Variants in MEOX1 observed in about 807,000 individuals in gnomAD.
The protein encoded by MEOX1 is mesenchyme homeobox 1, also known as homeobox protein MOX-1.
In MEOX1, 17 loss-of-function variants were observed where a neutral mutation model predicts 23.2. The ratio of observed to expected loss-of-function variants is 0.73; its 90% CI spans 0.50 to 1.10. The LOEUF (loss-of-function observed/expected upper bound fraction) is 1.10, where lower values mean the gene tolerates loss of function less well. Among genes scored for constraint, MEOX1 ranks in the 50% least tolerant of loss-of-function variants. MEOX1 has a pLI of 0.00. For synonymous variants in MEOX1, 134 were observed against 135.1 expected, an observed-to-expected ratio of 0.99 and a Z score of 0.06; for missense variants, 333 against 332.2, an observed-to-expected ratio of 1.00 and a Z score of -0.02.
At chr17:43,644,796 A>G (rs556035337) in intron 1 of MEOX1, among the ~76,000 whole-genome samples, 140 of 152,260 alleles carry the variant, frequency 9.2e-4, no homozygotes, top group African/African-American at 3.3e-3. Flanking sequence ...CGCCCCTGTA[A>G]TCCCAACTAC....
At chr17:43,658,415 G>A (rs1037562943) in intron 1 of MEOX1, among the ~76,000 whole-genome samples, 1 of 151,216 alleles carries the variant, frequency 6.6e-6, no homozygotes, top group Non-Finnish European at 1.5e-5. Flanking sequence ...GCTGAGACAG[G>A]AGAATTGCTT....
chr17:43,645,089 C>T (rs1397028369), intron 1 of MEOX1, among the ~76,000 whole-genome samples: 1 of 151,868 alleles, frequency 6.6e-6, no homozygotes, highest in Non-Finnish European at 1.5e-5. Context: ...ACAATTAACT[C>T]GCAATGCATG....
intron 1 of MEOX1, among the ~76,000 whole-genome samples, chr17:43,645,286 C>G (rs1215436399): frequency 1.3e-5 from 2 of 150,188 alleles, no homozygotes; most frequent in Non-Finnish European, 3.0e-5. Flanking sequence ...ACACCATTCT[C>G]CTGCCTCCGC....
At chr17:43,654,614 A>G (rs1173357857) in intron 1 of MEOX1, among the ~76,000 whole-genome samples, 3 of 152,218 alleles carry the variant, frequency 2.0e-5, no homozygotes, top group Non-Finnish European at 4.4e-5. Flanking sequence ...TGAGGCCAAG[A>G]GTTCAAGACC....
Position 43,642,050 on chromosome 17 carries a change from G to A in MEOX1, c.643-18C>T. ...ACTTTGACCTGGGGGAGGAAGCAAA[G>A]GAGCCTGGTCACTCCAGGGCCGGTG... On this transcript the variant is annotated intron_variant, in intron 2 of 2. Transcript: ENST00000318579. 1 of 1,609,672 alleles carries A rather than the reference G, an allele frequency of 6.2e-7. No homozygotes were observed. Among genetic ancestry groups the A allele is most frequent in the Non-Finnish European group, 8.5e-7 (1 of 1,177,722 alleles).
chr17:43,653,201 A>G (rs1359368640), intron 1 of MEOX1, among the ~76,000 whole-genome samples: 6 of 141,530 alleles, frequency 4.2e-5, no homozygotes, highest in African/African-American at 1.6e-4. Context: ...GTGCAGTGGC[A>G]CGATCTTGGC....
Position 43,661,462 on chromosome 17 carries a change from G to A in MEOX1, c.73C>T (p.Pro25Ser), listed in dbSNP as rs1010877183. 3 of 1,610,328 alleles carry A rather than the reference G, an allele frequency of 1.9e-6. No individual in the cohort carries two copies. The highest frequency in any genetic ancestry group is 1.3e-5 in the African/African-American group (1 of 74,824). The change falls in exon 1 of 3, where the codon CCC becomes TCC. Residue 25 changes from proline (P) to serine (S), a missense_variant. Physicochemically the swap from Pro to Ser is moderately conservative, Grantham distance 74. Coordinates refer to ENST00000318579, the MANE Select transcript of MEOX1 (RefSeq NM_004527.4). ...GAGGCCCCATTGCCTTCCGAGTGGG[G>A]GTTTCGAAGGCAGCCCCAGACAGGG... ...PAPVWGCLRN[P>S]HSEGNGASGL...
At chr17:43,651,672 G>T (rs934023214) in intron 1 of MEOX1, among the ~76,000 whole-genome samples, 3 of 152,236 alleles carry the variant, frequency 2.0e-5, no homozygotes, top group African/African-American at 7.2e-5. Flanking sequence ...AGCTCTGGAG[G>T]TCTGCAGGGG....
At chr17:43,660,564 C>T (rs569772525) in intron 1 of MEOX1, among the ~76,000 whole-genome samples, 144 of 152,340 alleles carry the variant, frequency 9.5e-4, no homozygotes, top group African/African-American at 3.3e-3. Flanking sequence ...TGCCTCTAGG[C>T]TCCTGGACAC....
rs1003734019 is a variant in MEOX1 at position 43,661,657 on chromosome 17, T to G, written c.-123A>C. The G allele has an allele frequency of 9.6e-5, 55 of 575,780 alleles. No individual in the cohort carries two copies. In the African/African-American group the frequency reaches 1.0e-3, roughly 11 times the overall value. The allele number at this position is 575,780 out of a possible 1,614,324, so 35.7% of individuals were successfully genotyped here. ...GGAGGGAAAAATGTTCAACAGAAAA[T>G]TTACCCCAGGAACCAAAAAAAAAAA... On this transcript the variant is annotated 5_prime_UTR_variant, in exon 1 of 3. Transcript: ENST00000318579.
intron 1 of MEOX1, among the ~76,000 whole-genome samples, chr17:43,656,541 T>G (rs1215073839): frequency 1.3e-5 from 2 of 151,980 alleles, no homozygotes; most frequent in African/African-American, 4.8e-5. Context: ...AAAGAGAAAT[T>G]GGGGCAGGAC....
intron 1 of MEOX1, among the ~76,000 whole-genome samples, chr17:43,652,243 G>A (rs1190821615): frequency 6.6e-6 from 1 of 152,100 alleles, no homozygotes; most frequent in Non-Finnish European, 1.5e-5. Flanking sequence ...CTGCAGCGGT[G>A]CACCCCTCAA....
Position 43,640,734 on chromosome 17 carries a change from C to A in MEOX1, c.*1176G>T. ...GGCCATCAGTCCTCAAATGTCATCT[C>A]CAGAAGACCTGGCTGAGGTCTGGGC... On this transcript the variant is annotated 3_prime_UTR_variant, in exon 3 of 3. Transcript: ENST00000318579. 6.6e-6 allele frequency: 1 copy of A among 152,196 alleles called. No individual in the cohort carries two copies. Among genetic ancestry groups the A allele is most frequent in the East Asian group, 1.9e-4 (1 of 5,188 alleles). The allele number at this position is 152,196 out of a possible 1,614,324, so 9.4% of individuals were successfully genotyped here.
intron 1 of MEOX1, among the ~76,000 whole-genome samples, chr17:43,655,313 A>T (rs907731954): frequency 3.3e-5 from 5 of 151,754 alleles, no homozygotes; most frequent in Non-Finnish European, 7.4e-5. Context: ...TCTATTAAAA[A>T]TACAAAAATT....
chr17:43,652,209 A>G (rs1276676032), intron 1 of MEOX1, among the ~76,000 whole-genome samples: 1 of 152,154 alleles, frequency 6.6e-6, no homozygotes, highest in Non-Finnish European at 1.5e-5. Context: ...GGTTCTGGAC[A>G]TGGACTCGGG....
rs903075882 is a variant in MEOX1, at chr17:43,643,435, G to C, written c.642+53C>G. On this transcript the variant is annotated intron_variant, in intron 2 of 2. Transcript: ENST00000318579. ...CAGGGAGGGGTGGTGGGAAAGGAGGGAAGGGAGGGAGATGAGAGAGCAAAG... is the reference window on the plus strand; with the variant it reads ...CAGGGAGGGGTGGTGGGAAAGGAGGCAAGGGAGGGAGATGAGAGAGCAAAG... 3.4e-6 allele frequency: 5 copies of C among 1,471,100 alleles called. No individual in the cohort carries two copies. In the African/African-American group the frequency reaches 4.2e-5, roughly 12 times the overall value. 91.1% of individuals were successfully genotyped at this position (1,471,100 alleles called of 1,614,324 possible).
chr17:43,655,469 CAAA>C (rs879765013), intron 1 of MEOX1, among the ~76,000 whole-genome samples: 3 of 105,760 alleles, frequency 2.8e-5, no homozygotes, highest in Non-Finnish European at 4.0e-5. Context: ...GACTCCGTCT[CAAA>C]AAAAAAAAAA....
chr17:43,652,670 G>A (rs1972938170), intron 1 of MEOX1, among the ~76,000 whole-genome samples: 1 of 152,032 alleles, frequency 6.6e-6, no homozygotes, highest in Non-Finnish European at 1.5e-5. Context: ...CTTGACCTTA[G>A]TCTCTGACCA....
chr17:43,660,314 A>T (rs1383282808), intron 1 of MEOX1, among the ~76,000 whole-genome samples: 1 of 151,830 alleles, frequency 6.6e-6, no homozygotes, highest in Non-Finnish European at 1.5e-5. Context: ...TCCAGCACGG[A>T]CTCCCTTGGC....
Sources: allele counts gnomAD v4.1 joint callset (sites outside exome capture counted in the v4.1 genomes callset), GRCh38; gene constraint gnomAD v4.1.1; transcripts MANE v1.5; gene names NCBI Gene and HGNC (gene_info 2026-07-23, HGNC 2026-07-21).